The following ASB15 variants were observed in gnomAD, a reference collection of about 807,000 sequenced individuals.
ASB15 encodes the protein ankyrin repeat and SOCS box containing 15, also known as ankyrin repeat and SOCS box protein 15.
In ASB15, 54 loss-of-function variants were observed where a neutral mutation model predicts 58.0. That is an observed-to-expected ratio of 0.93 (90% CI 0.75 to 1.17). The LOEUF (loss-of-function observed/expected upper bound fraction) is 1.17, where lower values mean the gene tolerates loss of function less well. Ranked by LOEUF, ASB15 falls within the 50% of genes most tolerant of loss-of-function variation. The pLI, the probability that ASB15 is intolerant of heterozygous loss-of-function variation, is 0.00. For missense variants in ASB15, 680 were observed against 707.4 expected (o/e 0.96, Z 0.44); for synonymous variants, 249 against 262.4 (o/e 0.95, Z 0.50).
rs78846076 is a variant in ASB15 at position 123,581,808 on chromosome 7, T to G, written c.-443+14720T>G. Among the ~76,000 whole-genome samples, 6 of 152,108 alleles carry G rather than the reference T, an allele frequency of 3.9e-5. No homozygotes were observed. In the East Asian group the frequency reaches 1.2e-3, roughly 29 times the overall value. On this transcript the variant is annotated intron_variant, in intron 1 of 13. Coordinates refer to the ASB15 transcript ENST00000451558. ...CATATGTTTGTATATTTTCTCCCTT[T>G]TTGTCACTCCCAAGACTGTCAAGTT...
intron 8 of ASB15, among the ~76,000 whole-genome samples, chr7:123,626,183 T>C (rs1649335826): frequency 6.6e-6 from 1 of 152,258 alleles, no homozygotes; most frequent in South Asian, 2.1e-4. Flanking sequence ...TTGTTAATAC[T>C]TTATTAACTG....
Position 123,624,741 on chromosome 7 carries a change from A to C in ASB15, c.624A>C (p.Gly208=), listed in dbSNP as rs1801653710. 6.2e-7 allele frequency: 1 copy of C among 1,614,014 alleles called. No individual in the cohort carries two copies. The highest frequency in any genetic ancestry group is 8.5e-7 in the Non-Finnish European group (1 of 1,179,976). ...KHGGNVHLRD[G]FGVTPLGVAA... is the part of the protein sequence containing the mutation. ...GAGGCAATGTCCACCTGAGAGATGG[A>C]TTTGGAGTCACACCACTAGGCGTCG... Residue 208 remains glycine (G), a synonymous_variant, in exon 8 of 12, where the codon GGA becomes GGC. Transcript: ENST00000451215.
At chr7:123,619,179 C>CAAAAAAAAA (rs528943780) in intron 7 of ASB15, among the ~76,000 whole-genome samples, 1 of 55,254 alleles carries the variant, frequency 1.8e-5, no homozygotes, top group Non-Finnish European at 3.1e-5. Flanking sequence ...GACGCCGTCT[C>CAAAAAAAAA]AAAAAAAAAA....
intron 8 of ASB15, among the ~76,000 whole-genome samples, chr7:123,626,727 GTTTT>G (rs889009340): frequency 2.0e-5 from 3 of 152,082 alleles, no homozygotes; most frequent in Non-Finnish European, 2.9e-5. Flanking sequence ...TTTTGTGGGG[GTTTT>G]TTGTTTGTTT....
At chr7:123,584,705 T>A (rs1334809865) in intron 1 of ASB15, among the ~76,000 whole-genome samples, 1 of 151,956 alleles carries the variant, frequency 6.6e-6, no homozygotes, top group African/African-American at 2.4e-5. Flanking sequence ...GCTTTCAATG[T>A]GCCAGAATAA....
chr7:123,633,101 A>C (rs1031262490), intron 11 of ASB15, among the ~76,000 whole-genome samples: 1 of 152,180 alleles, frequency 6.6e-6, no homozygotes, highest in Non-Finnish European at 1.5e-5. Flanking sequence ...CAAAGGATCC[A>C]CTAAGAAATG....
At chr7:123,623,915 G>GAAGGAAGAAAGAAAGAAAAGA (rs1801523114) in intron 7 of ASB15, among the ~76,000 whole-genome samples, 1 of 91,080 alleles carries the variant, frequency 1.1e-5, no homozygotes, top group African/African-American at 4.3e-5. Context: ...AGGAAGGAAG[G>GAAGGAAGAAAGAAAGAAAAGA]AAGGAAGAAA....
Position 123,637,004 on chromosome 7 carries a change from T to TA in ASB15, c.*31dup, listed in dbSNP as rs57233671. Reference sequence around the variant, plus strand: ...TAACTTAATATTTTAAAATGTGATTTAAAAAAAATGTTGAAATGTGATTCC... The same window carrying TA: ...TAACTTAATATTTTAAAATGTGATTTAAAAAAAAATGTTGAAATGTGATTCC... On this transcript the variant is annotated 3_prime_UTR_variant, in exon 12 of 12. Transcript: ENST00000451215. The TA allele has an allele frequency of 2.3e-5, 33 of 1,447,354 alleles. No individual in the cohort carries two copies. The highest frequency in any genetic ancestry group is 1.9e-4 in the Middle Eastern group (1 of 5,316). 89.7% of individuals were successfully genotyped at this position (1,447,354 alleles called of 1,614,324 possible). A position where few individuals can be genotyped will look rare whatever the true frequency, so the allele number is the denominator to read the frequency against.
chr7:123,581,310 A>G (rs950266981), intron 1 of ASB15, among the ~76,000 whole-genome samples: 11 of 151,756 alleles, frequency 7.2e-5, no homozygotes, highest in African/African-American at 2.4e-4. Context: ...GTCTATCATC[A>G]GTAATTAATT....
chr7:123,568,767 T>C (rs2116255974), intron 1 of ASB15, among the ~76,000 whole-genome samples: 1 of 152,208 alleles, frequency 6.6e-6, no homozygotes, highest in Admixed American at 6.5e-5. Flanking sequence ...GATGAGAATA[T>C]ACAAATCAAC....
intron 1 of ASB15, among the ~76,000 whole-genome samples, chr7:123,602,759 T>C (rs1272307097): frequency 6.6e-6 from 1 of 152,238 alleles, no homozygotes; most frequent in Non-Finnish European, 1.5e-5. Flanking sequence ...GAAAACTTTT[T>C]CTCAGGTTTA....
intron 9 of ASB15, 96 bp downstream of exon 9, chr7:123,627,377 C>T (rs1801865715): frequency 1.0e-6 from 1 of 996,116 alleles, no homozygotes; most frequent in Non-Finnish European, 1.4e-6. Context: ...TTTCAAAATC[C>T]AAGGAGAAAT....
upstream of ASB15, among the ~76,000 whole-genome samples, chr7:123,597,124 C>T (rs1260247983): frequency 6.6e-6 from 1 of 152,120 alleles, no homozygotes; most frequent in Non-Finnish European, 1.5e-5. Context: ...TAGCAATAAA[C>T]AATTCATAAG....
rs1044487889 is a variant in ASB15, at chr7:123,614,634, A to G, written c.107+25A>G. 4.2e-6 allele frequency: 6 copies of G among 1,438,244 alleles called. 1 individual carries two copies. The Middle Eastern group carries it at 5.2e-4, about 125-fold the overall frequency. 89.1% of individuals were successfully genotyped at this position (1,438,244 alleles called of 1,614,324 possible). A position where few individuals can be genotyped will look rare whatever the true frequency, so the allele number is the denominator to read the frequency against. ...GGTAGTATTCAAACCAACTATCCTC[A>G]GCAAAATTTCTTTATGGCATTCATT... On this transcript the variant is annotated intron_variant, in intron 4 of 11. Coordinates refer to ENST00000451215, the MANE Select transcript of ASB15 (RefSeq NM_001290258.2).
chr7:123,593,785 T>A (rs1254684148), intron 1 of ASB15, among the ~76,000 whole-genome samples: 2 of 152,132 alleles, frequency 1.3e-5, no homozygotes, highest in African/African-American at 4.8e-5. Flanking sequence ...AGGAATAGCT[T>A]TGTGGCGTTC....
At chr7:123,594,701 C>T (rs1265464033) in intron 1 of ASB15, among the ~76,000 whole-genome samples, 1 of 152,132 alleles carries the variant, frequency 6.6e-6, no homozygotes, top group African/African-American at 2.4e-5. Flanking sequence ...TCTGTCAGCC[C>T]CTACTGGGAG....
chr7:123,597,335 T>C (rs1433443556), upstream of ASB15, among the ~76,000 whole-genome samples: 1 of 152,232 alleles, frequency 6.6e-6, no homozygotes, highest in Non-Finnish European at 1.5e-5. Context: ...ACCTTTATTT[T>C]ATTTAATGAT....
At chr7:123,625,731 G>A (rs1190812046) in intron 8 of ASB15, among the ~76,000 whole-genome samples, 3 of 152,102 alleles carry the variant, frequency 2.0e-5, no homozygotes, top group African/African-American at 7.2e-5. Flanking sequence ...CTCCTAAACT[G>A]GTTGAGCCAC....
At chr7:123,620,547 TATATA>T in intron 7 of ASB15, among the ~76,000 whole-genome samples, 2 of 25,048 alleles carry the variant, frequency 8.0e-5, no homozygotes, top group African/African-American at 1.6e-4. Context: ...TATATATATA[TATATA>T]TATTTTTTTT....
Sources: allele counts gnomAD v4.1 joint callset (sites outside exome capture counted in the v4.1 genomes callset), GRCh38; gene constraint gnomAD v4.1.1; transcripts MANE v1.5; gene names NCBI Gene and HGNC (gene_info 2026-07-23, HGNC 2026-07-21).